The following DPP6 variants were observed in gnomAD, a reference collection of about 807,000 sequenced individuals.
DPP6 encodes the protein A-type potassium channel modulatory protein DPP6.
Under a neutral mutation model 122.6 loss-of-function variants are expected in DPP6, and 69 were observed. The ratio of observed to expected loss-of-function variants is 0.56; its 90% confidence interval spans 0.46 to 0.69. The LOEUF (loss-of-function observed/expected upper bound fraction) is 0.69, where lower values mean the gene tolerates loss of function less well. Among genes scored for constraint, DPP6 ranks in the 30% least tolerant of loss-of-function variants. DPP6 has a pLI of 0.00. For synonymous variants in DPP6, 418 were observed against 433.1 expected (o/e 0.97, Z 0.43); for missense variants, 928 against 1,116.9 (o/e 0.83, Z 2.41).
intron 1 of DPP6, among the ~76,000 whole-genome samples, chr7:154,000,069 T>G (rs1445524602): frequency 6.6e-6 from 1 of 152,196 alleles, no homozygotes; most frequent in Non-Finnish European, 1.5e-5. Flanking sequence ...TTTGTAATGT[T>G]TACAATACCG....
intron 1 of DPP6, among the ~76,000 whole-genome samples, chr7:153,893,079 C>T (rs1799273223): frequency 6.6e-6 from 1 of 152,096 alleles, no homozygotes; most frequent in Non-Finnish European, 1.5e-5. Context: ...AAAGAAGATC[C>T]CAAAGCCAGA....
intron 1 of DPP6, among the ~76,000 whole-genome samples, chr7:154,077,563 G>A (rs547511707): frequency 1.8e-4 from 27 of 152,256 alleles, no homozygotes; most frequent in African/African-American, 5.8e-4. Context: ...TGAAGTCTAG[G>A]ATTCATTGTG....
chr7:154,717,672 G>A (rs1348794079), intron 7 of DPP6, among the ~76,000 whole-genome samples: 3 of 152,148 alleles, frequency 2.0e-5, no homozygotes, highest in Admixed American at 6.5e-5. Flanking sequence ...TTGATTCCAT[G>A]TCTTGCCTGT....
chr7:154,664,411 C>G (rs748681784), intron 6 of DPP6, among the ~76,000 whole-genome samples: 5 of 152,320 alleles, frequency 3.3e-5, no homozygotes, highest in Non-Finnish European at 7.3e-5. Flanking sequence ...AAATCATAAT[C>G]TAACAAACTG....
chr7:154,080,814 C>T (rs1425085908), intron 1 of DPP6, among the ~76,000 whole-genome samples: 9 of 152,102 alleles, frequency 5.9e-5, no homozygotes, highest in Admixed American at 1.3e-4. Flanking sequence ...GCTGGTAGGT[C>T]GAAGCCAGTT....
At chr7:154,435,258 G>T (rs1356309160) in intron 1 of DPP6, among the ~76,000 whole-genome samples, 1 of 152,094 alleles carries the variant, frequency 6.6e-6, no homozygotes, top group East Asian at 1.9e-4. Flanking sequence ...GGAGAAGGAG[G>T]ACGAGAGAGA....
intron 5 of DPP6, chr7:154,587,850 A>G: frequency 6.2e-7 from 1 of 1,612,826 alleles, no homozygotes; most frequent in Non-Finnish European, 8.5e-7. Context: ...CTTGCCATGT[A>G]CAAGGGGGAC....
chr7:153,782,863 A>G, the DPP6 span, among the ~76,000 whole-genome samples: 1 of 152,150 alleles, frequency 6.6e-6, no homozygotes, highest in Non-Finnish European at 1.5e-5. Context: ...GTCCATAGAC[A>G]TGGAACAGAG....
intron 5 of DPP6, among the ~76,000 whole-genome samples, chr7:154,622,114 A>G (rs1834725915): frequency 6.6e-6 from 1 of 152,138 alleles, no homozygotes. Context: ...CAGTAGGATC[A>G]CTCACCAAGA....
intron 1 of DPP6, among the ~76,000 whole-genome samples, chr7:154,438,327 G>A (rs10263214): frequency 0.052 from 7,901 of 151,564 alleles, 721 homozygotes; most frequent in African/African-American, 0.18. Flanking sequence ...AAAATTAGCC[G>A]GGCGTGGTGG....
chr7:154,713,184 C>T (rs570861236), intron 7 of DPP6, among the ~76,000 whole-genome samples: 46 of 152,374 alleles, frequency 3.0e-4, no homozygotes, highest in Middle Eastern at 3.4e-3. Flanking sequence ...AACAAGTGAG[C>T]GCCCATGGGG....
intron 11 of DPP6, 32 bp downstream of exon 11, chr7:154,794,234 G>T (rs778928352): frequency 3.8e-6 from 6 of 1,575,908 alleles, no homozygotes; most frequent in Non-Finnish European, 4.3e-6. Flanking sequence ...GAGGGGAGAC[G>T]GGTGAAGAAC....
chr7:154,488,432 GA>G (rs1361305952), intron 3 of DPP6, among the ~76,000 whole-genome samples: 3 of 151,240 alleles, frequency 2.0e-5, no homozygotes, highest in South Asian at 2.1e-4. Flanking sequence ...CTGGGTGATT[GA>G]TAGAGCGAGA....
chr7:153,846,148 A>G, the DPP6 span, among the ~76,000 whole-genome samples: 8 of 152,174 alleles, frequency 5.3e-5, no homozygotes, highest in African/African-American at 1.9e-4. Context: ...CTTCGTCAAC[A>G]TTTGGTGTTG....
At chr7:154,835,191 A>G in intron 16 of DPP6, among the ~76,000 whole-genome samples, 1 of 152,150 alleles carries the variant, frequency 6.6e-6, no homozygotes. Context: ...CTGGAGTAGG[A>G]TGGACCCCGG....
exon 1 of DPP6, chr7:153,887,544 A>G: frequency 1.1e-6 from 1 of 929,490 alleles, no homozygotes; most frequent in East Asian, 2.7e-5. Context: ...AGAAAACTGA[A>G]GACCTGGAAG....
chr7:153,895,234 G>A (rs1799358192), intron 1 of DPP6, among the ~76,000 whole-genome samples: 3 of 152,192 alleles, frequency 2.0e-5, no homozygotes, highest in African/African-American at 7.2e-5. Context: ...AGGGCAAGTA[G>A]AAACAAGGAG....
intron 1 of DPP6, among the ~76,000 whole-genome samples, chr7:154,271,178 G>A (rs1435530593): frequency 6.6e-6 from 1 of 152,120 alleles, no homozygotes; most frequent in Admixed American, 6.5e-5. Flanking sequence ...AATAGTCTAT[G>A]TAAACTGACT....
At chr7:154,554,111 C>G (rs1055839633) in intron 4 of DPP6, among the ~76,000 whole-genome samples, 1 of 152,116 alleles carries the variant, frequency 6.6e-6, no homozygotes, top group African/African-American at 2.4e-5. Context: ...CCGAGTCTGT[C>G]TGATTCAAAA....
Sources: gnomAD v4.1 joint callset for allele counts (sites outside exome capture counted in the v4.1 genomes callset) on GRCh38, gnomAD v4.1.1 for gene constraint, MANE v1.5 for transcripts, NCBI Gene and HGNC (gene_info 2026-07-23, HGNC 2026-07-21) for gene names.